Variants in LYRM9 observed in about 807,000 individuals in gnomAD.
LYRM9 encodes the protein LYR motif-containing protein 9.
LYRM9 carries 14 observed loss-of-function variants against 12.6 expected under a neutral mutation model. That is an observed-to-expected ratio of 1.11 (90% CI 0.73 to 1.73). The LOEUF is 1.73. Ranked by LOEUF, LYRM9 falls within the 40% of genes most tolerant of loss-of-function variation. The probability of loss-of-function intolerance (pLI) is 0.00; values close to 1 mark genes in which losing one functional copy is unlikely to be tolerated. For synonymous variants in LYRM9, 42 were observed against 35.1 expected, an observed-to-expected ratio of 1.20 and a Z score of -0.69; for missense variants, 94 against 95.0, an observed-to-expected ratio of 0.99 and a Z score of 0.04.
In LYRM9 at chr17:27,886,147, G is replaced by C. The variant is rs1478092941; in HGVS notation, c.-18-3435C>G. Among the ~76,000 whole-genome samples the C allele has an allele frequency of 6.6e-6, 1 of 152,176 alleles. No individual in the cohort carries two copies. The highest frequency in any genetic ancestry group is 2.4e-5 in the African/African-American group (1 of 41,434). ...AAGTAGTAATCAAATATTGTAAAAT[G>C]CTAGTCGCGGAACAGATGGTTACCA... On this transcript the variant is annotated intron_variant, in intron 1 of 3. Coordinates refer to ENST00000379102, the MANE Select transcript of LYRM9 (RefSeq NM_001076680.3). The surrounding 1 kb of genome is among the most constrained non-coding windows in gnomAD (Gnocchi z 4.8).
At chr17:27,888,455 G>A (rs893002035) in intron 1 of LYRM9, among the ~76,000 whole-genome samples, 1 of 152,198 alleles carries the variant, frequency 6.6e-6, no homozygotes, top group African/African-American at 2.4e-5. Context: ...AATCTTCACT[G>A]GATGTGAAAC....
chr17:27,884,884 T>G (rs1201732548), intron 1 of LYRM9, among the ~76,000 whole-genome samples: 1 of 151,010 alleles, frequency 6.6e-6, no homozygotes, highest in Non-Finnish European at 1.5e-5. Context: ...ACTAAATCTA[T>G]CAGATGCCCT....
intron 1 of LYRM9, 41 bp from the exon 2 acceptor site, chr17:27,882,753 G>A (rs779284825): frequency 9.9e-5 from 151 of 1,527,834 alleles, no homozygotes; most frequent in Non-Finnish European, 1.2e-4. Flanking sequence ...ATCAAGCCAA[G>A]TTCAGTACTC....
chr17:27,885,014 C>T (rs1905188057), intron 1 of LYRM9, among the ~76,000 whole-genome samples: 1 of 152,178 alleles, frequency 6.6e-6, no homozygotes, highest in South Asian at 2.1e-4. Context: ...GCCAATTCCT[C>T]CTGGTTCCCT....
At position 27,885,631 on chromosome 17, in the gene LYRM9, G is replaced by A. The variant is rs544540560; in HGVS notation, c.-18-2919C>T. 2.1e-5 allele frequency among the ~76,000 whole-genome samples: 3 copies of A among 140,774 alleles called. No individual in the cohort carries two copies. The Admixed American group carries it at 2.3e-4, about 11-fold the overall frequency. 92.4% of individuals were successfully genotyped at this position (140,774 alleles called of 152,430 possible). A position where few individuals can be genotyped will look rare whatever the true frequency, so the allele number is the denominator to read the frequency against. Reference sequence around the variant, plus strand: ...AGGCTGTGATGGGAGGATCACTTCAGCCTCGACTGCAGTGAGCTGTGATCA... The same window carrying A: ...AGGCTGTGATGGGAGGATCACTTCAACCTCGACTGCAGTGAGCTGTGATCA... On this transcript the variant is annotated intron_variant, in intron 1 of 3. Transcript: ENST00000379102.
intron 1 of LYRM9, 154 bp from the exon 2 acceptor site, chr17:27,882,866 G>A: frequency 1.2e-6 from 1 of 819,322 alleles, no homozygotes; most frequent in South Asian, 1.7e-5. Context: ...GGTGGGGTGG[G>A]CATTCAGTTC....
Position 27,880,303 on chromosome 17 carries a change from T to G in LYRM9, c.190A>C (p.Ile64Leu). The part of the protein sequence containing the change: ...ERIQQIIKRA[I>L]EDADWIMNKY... ...TTCATGATCCAGTCAGCATCTTCAA[T>G]GGCTCTTTTAATAATCTGCTGGATT... Residue 64 changes from isoleucine (I) to leucine (L), a missense_variant, in exon 3 of 4, where the codon ATT becomes CTT. By Grantham distance (5) the Ile-to-Leu change is conservative. Transcript: ENST00000379102. 1 of 1,610,694 alleles carries G rather than the reference T, an allele frequency of 6.2e-7. No individual in the cohort carries two copies. The highest frequency in any genetic ancestry group is 8.5e-7 in the Non-Finnish European group (1 of 1,178,318).
intron 1 of LYRM9, among the ~76,000 whole-genome samples, chr17:27,890,163 G>A (rs182528142): frequency 3.3e-5 from 5 of 152,208 alleles, no homozygotes; most frequent in South Asian, 2.1e-4. Context: ...TATCTGCTTC[G>A]TGAATCTACC....
chr17:27,883,649 CAA>C (rs747279385), intron 1 of LYRM9, among the ~76,000 whole-genome samples: 41 of 92,574 alleles, frequency 4.4e-4, no homozygotes, highest in Admixed American at 8.2e-4. Context: ...GACTCCAACT[CAA>C]AAAAAAAAAA....
At chr17:27,888,068 T>A (rs951411944) in intron 1 of LYRM9, among the ~76,000 whole-genome samples, 3 of 152,220 alleles carry the variant, frequency 2.0e-5, no homozygotes, top group African/African-American at 7.2e-5. Flanking sequence ...ACACCCAGAA[T>A]AATGTTTGAC....
Position 27,882,294 on chromosome 17 carries a change from T to G in LYRM9, c.126+275A>C, listed in dbSNP as rs555257788. Among the ~76,000 whole-genome samples, 5 of 152,368 alleles carry G rather than the reference T, an allele frequency of 3.3e-5. No homozygotes were observed. In the South Asian group the frequency reaches 1.0e-3, roughly 32 times the overall value. On this transcript the variant is annotated intron_variant, in intron 2 of 3. Transcript: ENST00000379102. ...GTTGTGCACTGTTGGCAGGGATGCC[T>G]GCCTAAATGATGTCGTGTCCCACAG...
chr17:27,883,661 AAAAGAG>A, intron 1 of LYRM9, among the ~76,000 whole-genome samples: 1 of 151,576 alleles, frequency 6.6e-6, no homozygotes, highest in Non-Finnish European at 1.5e-5. Flanking sequence ...AAAAAAAAAA[AAAAGAG>A]AGAGAATCAC....
In LYRM9 at chr17:27,879,499, C is replaced by T; in HGVS notation, c.220-9G>A. ...CAGTTTTGTTTTTTATACTGCAAGA[C>T]AGAGAGATTCGAAGTGGAGGAGGGA... On this transcript the variant is annotated splice_polypyrimidine_tract_variant and intron_variant, in intron 3 of 3. Transcript: ENST00000379102. 7 of 1,552,216 alleles carry T rather than the reference C, an allele frequency of 4.5e-6. No homozygotes were observed. The highest frequency in any genetic ancestry group is 6.1e-6 in the Non-Finnish European group (7 of 1,147,326).
chr17:27,889,928 G>C (rs980238087), intron 1 of LYRM9, among the ~76,000 whole-genome samples: 5 of 152,058 alleles, frequency 3.3e-5, no homozygotes, highest in African/African-American at 1.2e-4. Context: ...AAAGCCGATG[G>C]CTCCCATCCA....
At chr17:27,887,713 GGTGTGTGTGTGTGTGTGTGT>G (rs59760752) in intron 1 of LYRM9, among the ~76,000 whole-genome samples, 2 of 86,730 alleles carry the variant, frequency 2.3e-5, no homozygotes, top group Admixed American at 2.7e-4. Context: ...TAGGAGGGAG[GGTGTGTGTGTGTGTGTGTGT>G]GTGTGTGTGT....
chr17:27,883,986 A>T (rs915021919), intron 1 of LYRM9, among the ~76,000 whole-genome samples: 1 of 152,050 alleles, frequency 6.6e-6, no homozygotes, highest in Non-Finnish European at 1.5e-5. Flanking sequence ...CAAGAGAGTT[A>T]ACATATCTAT....
intron 1 of LYRM9, among the ~76,000 whole-genome samples, chr17:27,884,899 CTAAGAAGGGAAGCT>C (rs550508092): frequency 1.4e-4 from 22 of 151,894 alleles, no homozygotes; most frequent in African/African-American, 5.1e-4. Context: ...TGCCCTTAAA[CTAAGAAGGGAAGCT>C]TAGGAAGTAG....
intron 1 of LYRM9, among the ~76,000 whole-genome samples, chr17:27,885,243 T>C (rs1905196173): frequency 6.6e-6 from 1 of 152,126 alleles, no homozygotes; most frequent in Non-Finnish European, 1.5e-5. Flanking sequence ...CCAGAGTGCA[T>C]CGCAACACCT....
intron 1 of LYRM9, among the ~76,000 whole-genome samples, chr17:27,891,635 C>A (rs1437068765): frequency 1.3e-5 from 2 of 152,210 alleles, no homozygotes; most frequent in African/African-American, 2.4e-5. Context: ...GCTGTTCACA[C>A]CCCTATTACA....
Sources: allele counts gnomAD v4.1 joint callset (sites outside exome capture counted in the v4.1 genomes callset), GRCh38; gene constraint gnomAD v4.1.1; non-coding constraint Gnocchi (gnomAD v3.1); transcripts MANE v1.5; gene names NCBI Gene and HGNC (gene_info 2026-07-23, HGNC 2026-07-21).